DNAH14: variants seen among roughly 807,000 people sequenced by gnomAD.
DNAH14 encodes the protein dynein axonemal heavy chain 14.
In DNAH14, 478 loss-of-function variants were observed where a neutral mutation model predicts 520.9. The ratio of observed to expected loss-of-function variants is 0.92; its 90% CI spans 0.85 to 0.99. The LOEUF is 0.99. Among genes scored for constraint, DNAH14 ranks in the 50% least tolerant of loss-of-function variants. The pLI is 0.00. For synonymous variants in DNAH14, 1,581 were observed against 1,757.2 expected (o/e 0.90, Z 2.51); for missense variants, 4,831 against 5,234.5 (o/e 0.92, Z 2.38).
Position 225,080,586 on chromosome 1 carries a change from A to G in DNAH14, c.2974A>G (p.Ile992Val), listed in dbSNP as rs891019902. ...GATTGTGCTTTCAGAGATCTCTGAC[A>G]TTGAAGGTGACTTGACTTTGAGGAA... ...TQIVLSEISD[I>V]EGDLTLRKKL... Residue 992 changes from isoleucine (I) to valine (V), a missense_variant, in exon 19 of 86, where the codon ATT becomes GTT. Physicochemically the swap from Ile to Val is conservative, Grantham distance 29 (BLOSUM62 3). Transcript: ENST00000682510. 1.3e-6 allele frequency: 2 copies of G among 1,552,058 alleles called. No homozygotes were observed. The highest frequency in any genetic ancestry group is 1.4e-5 in the African/African-American group (1 of 73,070).
At chr1:225,132,982 G>A (rs2078585728) in intron 27 of DNAH14, among the ~76,000 whole-genome samples, 1 of 152,106 alleles carries the variant, frequency 6.6e-6, no homozygotes, top group Non-Finnish European at 1.5e-5. Context: ...TAGTAATGTT[G>A]AGGTTTTTTT....
At chr1:225,031,797 G>A (rs2066550506) in intron 11 of DNAH14, among the ~76,000 whole-genome samples, 1 of 151,970 alleles carries the variant, frequency 6.6e-6, no homozygotes, top group Non-Finnish European at 1.5e-5. Context: ...GACATTAAAA[G>A]TATTGTTTTG....
At chr1:224,943,831 C>A (rs2059599360) in intron 1 of DNAH14, among the ~76,000 whole-genome samples, 1 of 152,110 alleles carries the variant, frequency 6.6e-6, no homozygotes, top group Non-Finnish European at 1.5e-5. Context: ...ATCCTGAGTT[C>A]TAGTTTGATT....
At chr1:225,251,851 G>C (rs2092566434) in intron 43 of DNAH14, among the ~76,000 whole-genome samples, 1 of 152,064 alleles carries the variant, frequency 6.6e-6, no homozygotes, top group African/African-American at 2.4e-5. Flanking sequence ...ATCTTATAGT[G>C]AATCCATGGC....
At chr1:225,266,490 G>C (rs1021515642) in intron 48 of DNAH14, 151 bp from the exon 49 acceptor site, 19 of 478,684 alleles carry the variant, frequency 4.0e-5, no homozygotes, top group Non-Finnish European at 6.1e-5. Flanking sequence ...TTTTTAAATA[G>C]GAAATCAGAC....
chr1:225,352,507 A>G (rs563757543), intron 72 of DNAH14, among the ~76,000 whole-genome samples: 11 of 152,240 alleles, frequency 7.2e-5, no homozygotes, highest in Non-Finnish European at 1.3e-4. Flanking sequence ...AATTGCTGGA[A>G]CAAAAGGAAA....
chr1:224,949,629 C>T (rs1465355708), intron 1 of DNAH14, among the ~76,000 whole-genome samples: 1 of 152,112 alleles, frequency 6.6e-6, no homozygotes, highest in Non-Finnish European at 1.5e-5. Flanking sequence ...GTATGGGCAA[C>T]CTATTAAAGT....
chr1:225,035,054 T>TA (rs1473708164), intron 11 of DNAH14, among the ~76,000 whole-genome samples: 1 of 151,274 alleles, frequency 6.6e-6, no homozygotes, highest in Non-Finnish European at 1.5e-5. Context: ...TTTAAAATGT[T>TA]TTTTTTGTGT....
Position 225,258,101 on chromosome 1 carries a change from G to T in DNAH14, c.7007G>T (p.Cys2336Phe), listed in dbSNP as rs968634872. Reference sequence around the variant, plus strand: ...ATGAGCCTTCTTTTAAAGAATTCCTGCCCTGTACTTCTCACAGGTATTACA... The same window carrying T: ...ATGAGCCTTCTTTTAAAGAATTCCTTCCCTGTACTTCTCACAGGTATTACA... ...FLMSLLLKNS[C>F]PVLLTGESGV... The change falls in exon 45 of 86, where the codon TGC (cysteine) becomes TTC (phenylalanine). Residue 2336 changes from cysteine to phenylalanine, a missense_variant. Transcript: ENST00000682510. 3.3e-6 allele frequency: 5 copies of T among 1,532,096 alleles called. No individual in the cohort carries two copies. Among genetic ancestry groups the T allele is most frequent in the Admixed American group, 2.2e-5 (1 of 45,444 alleles). The allele number at this position is 1,532,096 out of a possible 1,614,324, so 94.9% of individuals were successfully genotyped here.
chr1:225,198,916 GC>G (rs1475365114), intron 38 of DNAH14, among the ~76,000 whole-genome samples: 6 of 152,148 alleles, frequency 3.9e-5, no homozygotes, highest in Non-Finnish European at 7.4e-5. Context: ...AAGATAGATT[GC>G]TACCAATTCT....
Position 225,119,274 on chromosome 1 carries a change from C to A in DNAH14, c.4146C>A (p.Ser1382Arg), listed in dbSNP as rs1573249212. 6.6e-7 allele frequency: 1 copy of A among 1,524,036 alleles called. No homozygotes were observed. The highest frequency in any genetic ancestry group is 8.8e-7 in the Non-Finnish European group (1 of 1,133,744). 94.4% of individuals were successfully genotyped at this position (1,524,036 alleles called of 1,614,324 possible). A position where few individuals can be genotyped will look rare whatever the true frequency, so the allele number is the denominator to read the frequency against. ...VEQWLVNVEK[S>R]MFDVLKKFLS... Reference sequence around the variant, plus strand: ...AGTGGCTGGTAAATGTAGAAAAAAGCATGTTCGATGTGCTAAAAAAGTAAG... The same window carrying A: ...AGTGGCTGGTAAATGTAGAAAAAAGAATGTTCGATGTGCTAAAAAAGTAAG... The change falls in exon 26 of 86, where the codon AGC (serine) becomes AGA (arginine). Residue 1382 changes from serine to arginine, a missense_variant. Physicochemically the swap from Ser to Arg is moderately radical, Grantham distance 110. Coordinates refer to ENST00000682510, the MANE Select transcript of DNAH14 (RefSeq NM_001367479.1).
At chr1:225,023,331 T>C (rs1287758465) in intron 10 of DNAH14, among the ~76,000 whole-genome samples, 2 of 150,954 alleles carry the variant, frequency 1.3e-5, no homozygotes, top group African/African-American at 2.4e-5. Flanking sequence ...AATTTAGATC[T>C]ACTATTATTT....
chr1:224,968,231 T>G (rs2061309094), intron 6 of DNAH14, among the ~76,000 whole-genome samples: 1 of 152,120 alleles, frequency 6.6e-6, no homozygotes, highest in African/African-American at 2.4e-5. Flanking sequence ...ACATATGTGC[T>G]GATAAAAATA....
intron 17 of DNAH14, among the ~76,000 whole-genome samples, chr1:225,063,659 C>T (rs992787940): frequency 1.3e-5 from 2 of 151,900 alleles, no homozygotes; most frequent in African/African-American, 4.8e-5. Flanking sequence ...TGGGATAATA[C>T]CAAGTGATCT....
At position 225,206,044 on chromosome 1, in the gene DNAH14, A is replaced by G. The variant is rs1199201739; in HGVS notation, c.6051A>G (p.Leu2017=). 1 of 1,551,680 alleles carries G rather than the reference A, an allele frequency of 6.4e-7. No homozygotes were observed. Among genetic ancestry groups the G allele is most frequent in the African/African-American group, 1.4e-5 (1 of 73,168 alleles). Residue 2017 remains leucine, a synonymous_variant, in exon 40 of 86, where the codon CTA becomes CTG. Coordinates refer to ENST00000682510, the MANE Select transcript of DNAH14 (RefSeq NM_001367479.1). The stretch of plus-strand genomic sequence containing the variant: ...GGGTAGAAAATCTGAACTCTGTGCT[A>G]GATGATACTAGAACATTGTGCCTAG... ...TFWVENLNSV[L]DDTRTLCLAN... is the part of the protein sequence containing the mutation.
chr1:225,234,943 G>C (rs1193709394), intron 42 of DNAH14, among the ~76,000 whole-genome samples: 4 of 152,060 alleles, frequency 2.6e-5, no homozygotes, highest in African/African-American at 4.8e-5. Flanking sequence ...AGAAGCTTTT[G>C]GGCTGAGATG....
intron 41 of DNAH14, among the ~76,000 whole-genome samples, chr1:225,218,662 G>GCAAGT (rs2089701726): frequency 6.6e-6 from 1 of 152,132 alleles, no homozygotes; most frequent in Non-Finnish European, 1.5e-5. Context: ...GATTCATAAA[G>GCAAGT]CAAGTTCTTA....
intron 17 of DNAH14, among the ~76,000 whole-genome samples, chr1:225,059,378 G>A (rs1403778184): frequency 1.2e-4 from 18 of 151,984 alleles, no homozygotes; most frequent in Admixed American, 2.6e-4. Flanking sequence ...CCATTTGCTT[G>A]GTAGATCTTC....
At chr1:225,158,531 G>A (rs1308132765) in intron 34 of DNAH14, among the ~76,000 whole-genome samples, 9 of 152,126 alleles carry the variant, frequency 5.9e-5, no homozygotes, top group African/African-American at 1.4e-4. Context: ...GAGTGGACTC[G>A]TCGCTTGTCT....
Sources: gnomAD v4.1 joint callset for allele counts (sites outside exome capture counted in the v4.1 genomes callset) on GRCh38, gnomAD v4.1.1 for gene constraint, MANE v1.5 for transcripts, NCBI Gene and HGNC (gene_info 2026-07-23, HGNC 2026-07-21) for gene names.